The following DPF3 variants were observed in gnomAD, a reference collection of about 807,000 sequenced individuals.
DPF3 encodes double PHD fingers 3.
DPF3 carries 18 observed loss-of-function variants against 56.8 expected under a neutral mutation model. The observed-to-expected ratio is 0.32, with a 90% CI of 0.22 to 0.47. DPF3 has a LOEUF of 0.47. Ranked by LOEUF, DPF3 falls within the 20% of genes least tolerant of loss-of-function variation. The pLI is 1.00. For synonymous variants in DPF3, 188 were observed against 180.2 expected (o/e 1.04, Z -0.35); for missense variants, 403 against 488.8 (o/e 0.82, Z 1.65).
intron 8 of DPF3, among the ~76,000 whole-genome samples, chr14:72,651,253 T>C (rs761765363): frequency 6.6e-6 from 1 of 152,190 alleles, no homozygotes; most frequent in African/African-American, 2.4e-5. Context: ...GGCTGCTCCT[T>C]CTTCCTGTTC....
intron 1 of DPF3, among the ~76,000 whole-genome samples, chr14:72,794,593 T>C (rs1399021143): frequency 1.3e-5 from 2 of 152,110 alleles, no homozygotes; most frequent in Non-Finnish European, 2.9e-5. Context: ...AGGGCATCCA[T>C]TGCCTTTGTT....
chr14:72,772,750 C>T (rs964831659), intron 1 of DPF3, among the ~76,000 whole-genome samples: 2 of 152,076 alleles, frequency 1.3e-5, no homozygotes, highest in African/African-American at 4.8e-5. Flanking sequence ...TGATCAAATG[C>T]AAAGCACTAA....
At chr14:72,822,080 G>A (rs931193181) in intron 1 of DPF3, among the ~76,000 whole-genome samples, 7 of 152,098 alleles carry the variant, frequency 4.6e-5, no homozygotes, top group African/African-American at 1.7e-4. Context: ...TTAAAAACAG[G>A]CCAGATCTAA....
intron 1 of DPF3, among the ~76,000 whole-genome samples, chr14:72,792,427 AAAAG>A (rs930180424): frequency 1.3e-5 from 2 of 151,934 alleles, no homozygotes; most frequent in Non-Finnish European, 1.5e-5. Context: ...AGAAAAGAAA[AAAAG>A]AAAGAAAAGA....
Position 72,884,953 on chromosome 14 carries a change from T to TATATATATATATATATATATATAC in DPF3, c.32+9103_32+9104insGTATATATATATATATATATATAT, listed in dbSNP as rs1316175906. Among the ~76,000 whole-genome samples the TATATATATATATATATATATATAC allele has an allele frequency of 1.1e-3, 83 of 73,766 alleles. 8 individuals are homozygous for TATATATATATATATATATATATAC. Among genetic ancestry groups the TATATATATATATATATATATATAC allele is most frequent in the Non-Finnish European group, 1.9e-3 (64 of 34,432 alleles). 48.4% of individuals were successfully genotyped at this position (73,766 alleles called of 152,430 possible). A position where few individuals can be genotyped will look rare whatever the true frequency, so the allele number is the denominator to read the frequency against. ...CTACTAAAAATACTATATATATATA[T>TATATATATATATATATATATATAC]ATATATATATATATATATTAGCCGG... On this transcript the variant is annotated intron_variant, in intron 1 of 10. Coordinates refer to ENST00000556509, the MANE Select transcript of DPF3 (RefSeq NM_001280542.3).
At chr14:72,850,300 A>G (rs1038891071) in intron 1 of DPF3, among the ~76,000 whole-genome samples, 1 of 152,102 alleles carries the variant, frequency 6.6e-6, no homozygotes, top group Non-Finnish European at 1.5e-5. Context: ...ACCACAGTAC[A>G]GTCCCCCAAC....
At chr14:72,633,577 C>T (rs1169734739) in intron 8 of DPF3, among the ~76,000 whole-genome samples, 1 of 152,122 alleles carries the variant, frequency 6.6e-6, no homozygotes, top group Admixed American at 6.5e-5. Context: ...AGAAGGTGGT[C>T]AACTGTGTTT....
At chr14:72,876,815 C>A (rs947306960) in intron 1 of DPF3, among the ~76,000 whole-genome samples, 2 of 152,206 alleles carry the variant, frequency 1.3e-5, no homozygotes, top group African/African-American at 2.4e-5. Context: ...TTTCAAGGAC[C>A]CCTGGTGGCC....
intron 3 of DPF3, among the ~76,000 whole-genome samples, chr14:72,735,683 G>A (rs1473927477): frequency 5.9e-5 from 9 of 152,308 alleles, no homozygotes; most frequent in Non-Finnish European, 1.0e-4. Context: ...TGCTCCCATA[G>A]GTTCTGCCTT....
chr14:72,688,127 T>C (rs2153572384), intron 7 of DPF3, among the ~76,000 whole-genome samples: 1 of 144,344 alleles, frequency 6.9e-6, no homozygotes, highest in South Asian at 2.2e-4. Context: ...GATGGGTGGA[T>C]GGATAGATGG....
chr14:72,722,377 A>C (rs1013583675), intron 5 of DPF3, among the ~76,000 whole-genome samples: 4 of 152,208 alleles, frequency 2.6e-5, no homozygotes. Flanking sequence ...ATCTCAGCTC[A>C]GTGTGTGCCG....
chr14:72,723,530 G>A, intron 5 of DPF3, 103 bp downstream of exon 5: 2 of 1,001,154 alleles, frequency 2.0e-6, no homozygotes, highest in Non-Finnish European at 2.9e-6. Flanking sequence ...CTCCATGTAA[G>A]ACCATGGCCA....
intron 1 of DPF3, among the ~76,000 whole-genome samples, chr14:72,864,701 G>T (rs1238337071): frequency 6.6e-6 from 1 of 152,184 alleles, no homozygotes; most frequent in Non-Finnish European, 1.5e-5. Flanking sequence ...TGGATGGATG[G>T]ATGGATGGAT....
intron 1 of DPF3, among the ~76,000 whole-genome samples, chr14:72,839,144 C>G (rs1188928037): frequency 6.6e-6 from 1 of 151,712 alleles, no homozygotes; most frequent in African/African-American, 2.4e-5. Context: ...TGGTCTCAAA[C>G]TCTTGGCCTC....
intron 1 of DPF3, among the ~76,000 whole-genome samples, chr14:72,804,654 T>C (rs1567238704): frequency 6.6e-6 from 1 of 151,986 alleles, no homozygotes; most frequent in African/African-American, 2.4e-5. Context: ...AGGCAGAAAG[T>C]AGAGGAGGTC....
Position 72,641,908 on chromosome 14 carries a change from A to G in DPF3, c.872-12172T>C, listed in dbSNP as rs371187921. Among the ~76,000 whole-genome samples the G allele has an allele frequency of 1.6e-3, 236 of 152,226 alleles. 5 individuals are homozygous for G. The South Asian group carries it at 0.018, about 11-fold the overall frequency. On this transcript the variant is annotated intron_variant, in intron 8 of 10. Transcript: ENST00000556509. The stretch of plus-strand genomic sequence containing the variant: ...TGTCTTGACTGTGCACTCTGTCTCT[A>G]TGTCTCTGTCTGTCTCCGATCACTC...
At chr14:72,676,188 A>C (rs1886899567) in intron 7 of DPF3, among the ~76,000 whole-genome samples, 1 of 152,224 alleles carries the variant, frequency 6.6e-6, no homozygotes, top group Admixed American at 6.5e-5. Flanking sequence ...GGGTAAACCA[A>C]AGTTAAGTGT....
intron 5 of DPF3, among the ~76,000 whole-genome samples, chr14:72,717,137 T>C (rs571467973): frequency 2.6e-5 from 4 of 152,330 alleles, no homozygotes; most frequent in African/African-American, 7.2e-5. Flanking sequence ...CCCATGATTG[T>C]GCTCTCCTCT....
chr14:72,810,632 T>C (rs1278995947), intron 1 of DPF3, among the ~76,000 whole-genome samples: 2 of 151,914 alleles, frequency 1.3e-5, no homozygotes, highest in African/African-American at 4.8e-5. Flanking sequence ...GAAACAAAGA[T>C]CTGCCTCCAA....
Sources: gnomAD v4.1 joint callset for allele counts (sites outside exome capture counted in the v4.1 genomes callset) on GRCh38, gnomAD v4.1.1 for gene constraint, MANE v1.5 for transcripts, NCBI Gene and HGNC (gene_info 2026-07-23, HGNC 2026-07-21) for gene names.